DSCAM: variants seen among roughly 807,000 people sequenced by gnomAD.
DSCAM encodes the protein cell adhesion molecule DSCAM.
DSCAM carries 47 observed loss-of-function variants against 217.7 expected under a neutral mutation model. The observed-to-expected ratio is 0.22, with a 90% confidence interval of 0.17 to 0.28. DSCAM has a LOEUF of 0.28. Among genes scored for constraint, DSCAM ranks in the 10% least tolerant of loss-of-function variants. DSCAM has a pLI of 1.00. For synonymous variants in DSCAM, 1,056 were observed against 1,015.3 expected (o/e 1.04, Z -0.76); for missense variants, 2,080 against 2,618.3 (o/e 0.79, Z 4.49).
chr21:40,655,003 C>T (rs755671995), intron 3 of DSCAM, among the ~76,000 whole-genome samples: 8 of 152,100 alleles, frequency 5.3e-5, no homozygotes, highest in East Asian at 1.9e-4. Flanking sequence ...CAGGGAGATA[C>T]GTCTGGAAAT....
chr21:40,061,732 T>C (rs1268956584), intron 28 of DSCAM, among the ~76,000 whole-genome samples: 1 of 152,154 alleles, frequency 6.6e-6, no homozygotes, highest in African/African-American at 2.4e-5. Context: ...TCAAAGATAT[T>C]AGTGATATGG....
intron 1 of DSCAM, among the ~76,000 whole-genome samples, chr21:40,844,968 G>T (rs768932018): frequency 1.3e-5 from 2 of 152,154 alleles, no homozygotes; most frequent in Non-Finnish European, 2.9e-5. Context: ...GGCGAAACAG[G>T]GTGTCAAGGC....
At chr21:40,061,993 TA>T (rs1390811340) in intron 28 of DSCAM, among the ~76,000 whole-genome samples, 15 of 152,216 alleles carry the variant, frequency 9.9e-5, no homozygotes, top group Admixed American at 9.8e-4. Context: ...ATGAAAGGCC[TA>T]AAATGCAAAT....
At chr21:40,753,710 T>C (rs2091249835) in intron 1 of DSCAM, among the ~76,000 whole-genome samples, 1 of 152,206 alleles carries the variant, frequency 6.6e-6, no homozygotes, top group Non-Finnish European at 1.5e-5. Flanking sequence ...CTCCCTTTCC[T>C]ATTGTAGAAA....
At chr21:40,765,580 T>C (rs35041698) in intron 1 of DSCAM, among the ~76,000 whole-genome samples, 47,622 of 151,632 alleles carry the variant, frequency 0.31, 8,557 homozygotes, top group East Asian at 0.41. Context: ...ATAGAAGCAA[T>C]GGGGGAGGGA....
intron 1 of DSCAM, among the ~76,000 whole-genome samples, chr21:40,811,511 T>G (rs2091838638): frequency 1.3e-5 from 2 of 152,204 alleles, no homozygotes; most frequent in African/African-American, 4.8e-5. Flanking sequence ...GTTTTAACGT[T>G]CACCCATCAA....
intron 4 of DSCAM, among the ~76,000 whole-genome samples, chr21:40,364,729 CAT>C (rs375390737): frequency 1.0e-3 from 144 of 140,694 alleles, no homozygotes; most frequent in East Asian, 1.6e-3. Flanking sequence ...AGTATATATA[CAT>C]ATATATATAT....
chr21:40,259,822 C>T (rs1167774302), intron 11 of DSCAM, among the ~76,000 whole-genome samples: 2 of 151,502 alleles, frequency 1.3e-5, no homozygotes, highest in African/African-American at 2.4e-5. Flanking sequence ...TACAGGTGCC[C>T]GCCACCACAC....
chr21:40,079,065 C>T (rs1171763731), intron 25 of DSCAM, 88 bp from the exon 26 acceptor site: 3 of 1,448,226 alleles, frequency 2.1e-6, no homozygotes, highest in Non-Finnish European at 2.8e-6. Context: ...ACTGCTTCCT[C>T]CAGCGAGGCC....
chr21:40,320,874 G>C (rs894159750), intron 8 of DSCAM, among the ~76,000 whole-genome samples: 12 of 152,292 alleles, frequency 7.9e-5, no homozygotes, highest in Middle Eastern at 3.4e-3. Flanking sequence ...TTTGGGTGGA[G>C]ACACAGCCAA....
At chr21:40,051,613 G>C (rs1273895432) in intron 30 of DSCAM, among the ~76,000 whole-genome samples, 1 of 152,122 alleles carries the variant, frequency 6.6e-6, no homozygotes, top group African/African-American at 2.4e-5. Flanking sequence ...AAGATAACGT[G>C]CATGACATCA....
chr21:40,512,738 T>C (rs542064834), intron 3 of DSCAM, among the ~76,000 whole-genome samples: 2 of 152,102 alleles, frequency 1.3e-5, no homozygotes, highest in Non-Finnish European at 2.9e-5. Flanking sequence ...AACAGTGCTC[T>C]GACCTCCCTC....
At chr21:40,638,519 T>G (rs189475153) in intron 3 of DSCAM, among the ~76,000 whole-genome samples, 80 of 152,312 alleles carry the variant, frequency 5.3e-4, no homozygotes, top group East Asian at 4.4e-3. Flanking sequence ...ACTCAGAGTT[T>G]ATAAAATTTA....
intron 20 of DSCAM, among the ~76,000 whole-genome samples, chr21:40,110,651 G>T (rs571375787): frequency 6.6e-6 from 1 of 152,128 alleles, no homozygotes; most frequent in African/African-American, 2.4e-5. Flanking sequence ...CCATGGCAAA[G>T]AAGTTAAAAA....
At chr21:40,657,919 G>T (rs1274246483) in intron 3 of DSCAM, among the ~76,000 whole-genome samples, 4 of 152,270 alleles carry the variant, frequency 2.6e-5, no homozygotes, top group Middle Eastern at 3.4e-3. Context: ...ATGATAACCT[G>T]TTTACAAAAG....
At chr21:40,236,890 G>C (rs957591503) in intron 11 of DSCAM, among the ~76,000 whole-genome samples, 2 of 152,162 alleles carry the variant, frequency 1.3e-5, no homozygotes, top group Non-Finnish European at 2.9e-5. Flanking sequence ...AGAACAGTGC[G>C]AGAAGCCATG....
chr21:40,453,999 C>T (rs759691391), intron 3 of DSCAM, among the ~76,000 whole-genome samples: 3 of 152,128 alleles, frequency 2.0e-5, no homozygotes, highest in African/African-American at 4.8e-5. Context: ...ACAAGGTTCA[C>T]GAGTACACCC....
At chr21:40,524,422 C>A (rs2076384123) in intron 3 of DSCAM, among the ~76,000 whole-genome samples, 1 of 151,718 alleles carries the variant, frequency 6.6e-6, no homozygotes, top group Non-Finnish European at 1.5e-5. Context: ...ATTAGATATT[C>A]CTTAAAAGGT....
In DSCAM at chr21:40,521,939, C is replaced by T. The variant is rs146710018; in HGVS notation, c.509-152694G>A. On this transcript the variant is annotated intron_variant, in intron 3 of 32. Coordinates refer to ENST00000400454, the MANE Select transcript of DSCAM (RefSeq NM_001389.5). ...ATTTGATCATTAAACAACGTATACA[C>T]GTTTCAAAACATTACGTTGTGCCCC... 3.9e-5 allele frequency among the ~76,000 whole-genome samples: 6 copies of T among 152,248 alleles called. No individual in the cohort carries two copies. The East Asian group carries it at 5.8e-4, about 15-fold the overall frequency.
Sources: allele counts gnomAD v4.1 joint callset (sites outside exome capture counted in the v4.1 genomes callset), GRCh38; gene constraint gnomAD v4.1.1; transcripts MANE v1.5; gene names NCBI Gene and HGNC (gene_info 2026-07-23, HGNC 2026-07-21).